ATP6V1E2: variants seen among roughly 807,000 people sequenced by gnomAD.
The protein encoded by ATP6V1E2 is ATPase H+ transporting V1 subunit E2.
For missense variants in ATP6V1E2, 308 were observed against 273.3 expected, an observed-to-expected ratio of 1.13 and a Z score of -0.90; for synonymous variants, 121 against 104.2, an observed-to-expected ratio of 1.16 and a Z score of -0.98.
At chr2:46,513,639 C>T (rs1687579707) in intron 4 of ATP6V1E2, among the ~76,000 whole-genome samples, 1 of 152,040 alleles carries the variant, frequency 6.6e-6, no homozygotes, top group Non-Finnish European at 1.5e-5. Flanking sequence ...TCCTGGCCAA[C>T]ATGGTGAAAC....
At chr2:46,540,691 C>A (rs961974146) in intron 2 of ATP6V1E2, among the ~76,000 whole-genome samples, 6 of 136,166 alleles carry the variant, frequency 4.4e-5, no homozygotes, top group African/African-American at 1.7e-4. Context: ...GTTTCTGTTG[C>A]GGTCTGATTG....
At position 46,530,442 on chromosome 2, in the gene ATP6V1E2, T is replaced by C. The variant is rs1338736141; in HGVS notation, c.-102+5371A>G. 1.3e-5 allele frequency among the ~76,000 whole-genome samples: 2 copies of C among 152,154 alleles called. No individual in the cohort carries two copies. The highest frequency in any genetic ancestry group is 2.4e-5 in the African/African-American group (1 of 41,426). ...TATTCATTTCAGAGGTCAAACAGTT[T>C]GTCATTTAGGTCTTCAAACACAAAG... On this transcript the variant is annotated intron_variant, in intron 4 of 4. Transcript: ENST00000522587. This position sits in a 1 kb window ranked among gnomAD's most constrained non-coding sequence, Gnocchi z 5.2.
At chr2:46,520,816 G>C (rs928942381) in intron 4 of ATP6V1E2, among the ~76,000 whole-genome samples, 2 of 151,944 alleles carry the variant, frequency 1.3e-5, no homozygotes, top group African/African-American at 2.4e-5. Context: ...ATTTAACGTG[G>C]ATTGATTGGA....
intron 4 of ATP6V1E2, among the ~76,000 whole-genome samples, chr2:46,525,011 A>G (rs1666824629): frequency 6.6e-6 from 1 of 152,172 alleles, no homozygotes; most frequent in East Asian, 1.9e-4. Context: ...CTTGGACTAT[A>G]TGCCAAAAGC....
At chr2:46,537,112 C>T (rs985695507) in intron 2 of ATP6V1E2, among the ~76,000 whole-genome samples, 8 of 152,232 alleles carry the variant, frequency 5.3e-5, no homozygotes, top group African/African-American at 1.2e-4. Context: ...TCCAGTGTAG[C>T]CAGGGGAAGG....
At chr2:46,514,540 T>C (rs1264674872) in intron 4 of ATP6V1E2, among the ~76,000 whole-genome samples, 1 of 152,074 alleles carries the variant, frequency 6.6e-6, no homozygotes, top group East Asian at 1.9e-4. Flanking sequence ...AAAAATTCAC[T>C]AGAGGAGTTC....
chr2:46,514,405 C>A (rs1687620597), intron 4 of ATP6V1E2, among the ~76,000 whole-genome samples: 1 of 152,074 alleles, frequency 6.6e-6, no homozygotes, highest in Non-Finnish European at 1.5e-5. Context: ...TAAAAGGTTC[C>A]CTGGGATGCT....
intron 4 of ATP6V1E2, chr2:46,534,856 T>A (rs1365262555): frequency 1.3e-5 from 2 of 152,200 alleles, no homozygotes; most frequent in Non-Finnish European, 2.9e-5. Context: ...CATTGCCCAG[T>A]GAGCCCTGGG....
chr2:46,537,883 C>T (rs147344488), intron 2 of ATP6V1E2, among the ~76,000 whole-genome samples: 5 of 151,652 alleles, frequency 3.3e-5, no homozygotes, highest in South Asian at 4.2e-4. Context: ...CAGTCAGTTG[C>T]GTGGTTAGGA....
In ATP6V1E2 at chr2:46,530,499, C is replaced by T. The variant is rs897838229; in HGVS notation, c.-102+5314G>A. Among the ~76,000 whole-genome samples, 2 of 152,232 alleles carry T rather than the reference C, an allele frequency of 1.3e-5. No individual in the cohort carries two copies. Among genetic ancestry groups the T allele is most frequent in the African/African-American group, 4.8e-5 (2 of 41,452 alleles). ...ATTATTACCCGCTTTCCCTGGCCAC[C>T]TGCCCTGCACTCTCCTCAAGTGTTA... On this transcript the variant is annotated intron_variant, in intron 4 of 4. Coordinates refer to ENST00000522587, the MANE Select transcript of ATP6V1E2 (RefSeq NM_001318063.2). This position sits in a 1 kb window ranked among gnomAD's most constrained non-coding sequence, Gnocchi z 5.2.
At position 46,535,153 on chromosome 2, in the gene ATP6V1E2, C is replaced by T. The variant is rs1667384677; in HGVS notation, c.-102+660G>A. 6.6e-6 allele frequency: 1 copy of T among 152,202 alleles called. No individual in the cohort carries two copies. Among genetic ancestry groups the T allele is most frequent in the Non-Finnish European group, 1.5e-5 (1 of 68,040 alleles). The allele number at this position is 152,202 out of a possible 1,614,324, so 9.4% of individuals were successfully genotyped here. On this transcript the variant is annotated intron_variant, in intron 4 of 4. Coordinates refer to ENST00000522587, the MANE Select transcript of ATP6V1E2 (RefSeq NM_001318063.2). This position sits in a 1 kb window ranked among gnomAD's most constrained non-coding sequence, Gnocchi z 4.4. The stretch of plus-strand genomic sequence containing the variant: ...TGATAGGGTTTGCCCCATTTGTTCC[C>T]TACTTTCAGGAATCACGGTGCTGTG...
intron 2 of ATP6V1E2, among the ~76,000 whole-genome samples, chr2:46,537,891 G>A (rs1667529555): frequency 6.6e-6 from 1 of 151,928 alleles, no homozygotes; most frequent in African/African-American, 2.4e-5. Context: ...TGCGTGGTTA[G>A]GAAACAATCG....
chr2:46,540,547 A>G (rs1667689883), intron 2 of ATP6V1E2, among the ~76,000 whole-genome samples: 1 of 149,584 alleles, frequency 6.7e-6, no homozygotes, highest in Non-Finnish European at 1.5e-5. Flanking sequence ...CAGACAGCCT[A>G]TGGGACGCTC....
At chr2:46,527,516 C>A (rs570072567) in intron 4 of ATP6V1E2, among the ~76,000 whole-genome samples, 1 of 152,054 alleles carries the variant, frequency 6.6e-6, no homozygotes, top group Admixed American at 6.5e-5. Context: ...CTACCGCGCC[C>A]GGCTAGTCCA....
At chr2:46,529,572 T>C (rs1477892442) in intron 4 of ATP6V1E2, among the ~76,000 whole-genome samples, 1 of 152,058 alleles carries the variant, frequency 6.6e-6, no homozygotes, top group Non-Finnish European at 1.5e-5. Flanking sequence ...CTGGGAAACA[T>C]AGCAAGACCC....
chr2:46,523,677 T>C (rs1227025991), intron 4 of ATP6V1E2, among the ~76,000 whole-genome samples: 3 of 152,236 alleles, frequency 2.0e-5, no homozygotes, highest in African/African-American at 7.2e-5. Context: ...TGCCTCCAGC[T>C]TGGTTCTTTT....
intron 4 of ATP6V1E2, among the ~76,000 whole-genome samples, chr2:46,523,745 TAG>T (rs1385683563): frequency 6.6e-6 from 1 of 151,920 alleles, no homozygotes. Context: ...AAATTTAAAA[TAG>T]TTTTTTTTTA....
intron 4 of ATP6V1E2, among the ~76,000 whole-genome samples, chr2:46,522,339 T>A (rs1346161383): frequency 6.6e-6 from 1 of 150,936 alleles, no homozygotes; most frequent in African/African-American, 2.4e-5. Flanking sequence ...CAGGTATACG[T>A]GTGTCATAGT....
intron 4 of ATP6V1E2, among the ~76,000 whole-genome samples, chr2:46,526,988 T>C (rs1445541126): frequency 1.3e-5 from 2 of 152,230 alleles, no homozygotes; most frequent in African/African-American, 4.8e-5. Flanking sequence ...ATTTTACAGT[T>C]CACAGCAATG....
Sources: gnomAD v4.1 joint callset for allele counts (sites outside exome capture counted in the v4.1 genomes callset) on GRCh38, gnomAD v4.1.1 for gene constraint, Gnocchi (gnomAD v3.1) non-coding constraint, MANE v1.5 for transcripts, NCBI Gene and HGNC (gene_info 2026-07-23, HGNC 2026-07-21) for gene names.